Variants in FBXO7 observed in about 807,000 individuals in gnomAD.
The protein encoded by FBXO7 is F-box protein 7.
Under a neutral mutation model 50.2 loss-of-function variants are expected in FBXO7, and 31 were observed. That is an observed-to-expected ratio of 0.62 (90% CI 0.46 to 0.83). The LOEUF (loss-of-function observed/expected upper bound fraction) is 0.83. FBXO7 is among the 40% of genes least tolerant of loss of function. The probability of loss-of-function intolerance (pLI) is 0.00; values close to 1 mark genes in which losing one functional copy is unlikely to be tolerated. For synonymous variants in FBXO7, 256 were observed against 253.1 expected (o/e 1.01, Z -0.11); for missense variants, 667 against 646.6 (o/e 1.03, Z -0.34).
chr22:32,475,152 C>T (rs899746578), intron 1 of FBXO7, 28 bp downstream of exon 1: 2 of 1,516,568 alleles, frequency 1.3e-6, no homozygotes, highest in Admixed American at 2.0e-5. Context: ...CTGGGCGGCC[C>T]GCGGGGAGTG....
intron 5 of FBXO7, chr22:32,490,850 GA>G (rs2057530196): frequency 1.9e-5 from 9 of 481,376 alleles, no homozygotes; most frequent in Non-Finnish European, 3.4e-5. Context: ...CTATGAGCTA[GA>G]GAGGTTGGGC....
At chr22:32,495,457 GT>G (rs903164300) in intron 7 of FBXO7, 35 bp from the exon 8 acceptor site, 2 of 1,473,680 alleles carry the variant, frequency 1.4e-6, no homozygotes, top group African/African-American at 2.8e-5. Flanking sequence ...CGAATGAAAT[GT>G]TTTTAAATCC....
intron 4 of FBXO7, 165 bp from the exon 5 acceptor site, chr22:32,487,580 A>C: frequency 1.7e-6 from 1 of 590,644 alleles, no homozygotes. Context: ...CCAGGTTTAC[A>C]CTTTTGAACT....
At position 32,483,939 on chromosome 22, in the gene FBXO7, A is replaced by G. The variant is rs1166686097; in HGVS notation, c.460A>G (p.Asn154Asp). ...TTTTGAAGCTGAGTCAATTCAAGATAATGCGCATATGGCAGAGGGCACAGG... is the reference window on the plus strand; with the variant it reads ...TTTTGAAGCTGAGTCAATTCAAGATGATGCGCATATGGCAGAGGGCACAGG... ...QNFEAESIQD[N>D]AHMAEGTGFY... is the part of the protein sequence containing the mutation. The change falls in exon 3 of 9, where the codon AAT becomes GAT. Residue 154 changes from asparagine to aspartate, a missense_variant. By Grantham distance (23) the Asn-to-Asp change is conservative (BLOSUM62 1). Coordinates refer to ENST00000266087, the MANE Select transcript of FBXO7 (RefSeq NM_012179.4). The G allele has an allele frequency of 6.2e-7, 1 of 1,614,188 alleles. No homozygotes were observed. The highest frequency in any genetic ancestry group is 1.1e-5 in the South Asian group (1 of 91,092).
At chr22:32,484,275 C>G in intron 3 of FBXO7, 151 bp downstream of exon 3, 1 of 719,618 alleles carries the variant, frequency 1.4e-6, no homozygotes, top group Non-Finnish European at 2.5e-6. Flanking sequence ...GAGAAACATA[C>G]TCATATATAG....
Position 32,498,165 on chromosome 22 carries a change from C to T in FBXO7, c.1204C>T (p.Gln402Ter). ...WKELYRKRHI[Q>*]RKESPKGRFV... ...ACAGCTGTACAGGAAGAGGCACATA[C>T]AAAGAAAAGAATCCCCGAAAGGGCG... is the stretch of plus-strand genomic sequence containing the variant. The change falls in exon 9 of 9, where the codon CAA becomes TAA. Residue 402 changes from glutamine (Q) to a stop codon, truncating the protein, a stop_gained. Transcript: ENST00000266087. LOFTEE classifies it low-confidence loss of function (END_TRUNC). 1 of 1,614,154 alleles carries T rather than the reference C, an allele frequency of 6.2e-7. No homozygotes were observed. Among genetic ancestry groups the T allele is most frequent in the Non-Finnish European group, 8.5e-7 (1 of 1,180,018 alleles).
rs778534727 is a variant in FBXO7, at chr22:32,493,152, C to T, written c.1015C>T (p.Leu339=). 2 of 1,614,216 alleles carry T rather than the reference C, an allele frequency of 1.2e-6. No individual in the cohort carries two copies. The highest frequency in any genetic ancestry group is 8.5e-7 in the Non-Finnish European group (1 of 1,180,014). ...VFGLVVLPLE[L]KLRIFRLLDV... ...TGGGTTGGTCGTCCTCCCATTGGAA[C>T]TGAAACTACGGATCTTCCGACTTCT... Residue 339 remains leucine, a synonymous_variant, in exon 7 of 9, where the codon CTG becomes TTG. Transcript: ENST00000266087.
In FBXO7 at chr22:32,479,276, G is replaced by A. The variant is rs1333554432; in HGVS notation, c.417+1G>A. On this transcript the variant is annotated splice_donor_variant, in intron 2 of 8. Coordinates refer to ENST00000266087, the MANE Select transcript of FBXO7 (RefSeq NM_012179.4). LOFTEE classifies it high-confidence loss of function. ...TGGTGTTTGGAATGACGACAGTATG[G>A]TGGGTATTAAACACCAATATATCAA... 1 of 1,614,018 alleles carries A rather than the reference G, an allele frequency of 6.2e-7. No homozygotes were observed. The highest frequency in any genetic ancestry group is 8.5e-7 in the Non-Finnish European group (1 of 1,180,024).
intron 4 of FBXO7, among the ~76,000 whole-genome samples, chr22:32,485,696 C>T (rs1302902183): frequency 6.6e-6 from 1 of 152,190 alleles, no homozygotes; most frequent in Non-Finnish European, 1.5e-5. Context: ...GCTAAGTTTA[C>T]TGGGGCCTTA....
intron 6 of FBXO7, chr22:32,491,555 A>G (rs1043772964): frequency 7.7e-6 from 1 of 129,406 alleles, no homozygotes; most frequent in African/African-American, 3.7e-5. Context: ...ATATGTCTAT[A>G]TAGACATATA....
At chr22:32,480,409 C>G (rs1036013578) in intron 2 of FBXO7, among the ~76,000 whole-genome samples, 16 of 152,054 alleles carry the variant, frequency 1.1e-4, no homozygotes, top group African/African-American at 3.9e-4. Flanking sequence ...CAGAACAGAC[C>G]CATCATTTTC....
intron 1 of FBXO7, among the ~76,000 whole-genome samples, chr22:32,477,190 G>A (rs2057434534): frequency 6.6e-6 from 1 of 152,176 alleles, no homozygotes; most frequent in Non-Finnish European, 1.5e-5. Flanking sequence ...TTCTATTTCA[G>A]TAATTTTAAT....
Position 32,474,978 on chromosome 22 carries a change from G to T in FBXO7, c.-25G>T. ...TCCCCGTCGCCGCTTCCGGGTCCAG[G>T]CCCCTCGGGCCGCCTGCCGCCGTCA... On this transcript the variant is annotated 5_prime_UTR_variant, in exon 1 of 9. Transcript: ENST00000266087. 3.9e-6 allele frequency: 6 copies of T among 1,528,788 alleles called. No individual in the cohort carries two copies. Among genetic ancestry groups the T allele is most frequent in the Non-Finnish European group, 4.4e-6 (5 of 1,142,754 alleles). The allele number at this position is 1,528,788 out of a possible 1,614,324, so 94.7% of individuals were successfully genotyped here. A position where few individuals can be genotyped will look rare whatever the true frequency, so the allele number is the denominator to read the frequency against.
intron 5 of FBXO7, chr22:32,490,781 A>C (rs1025434076): frequency 2.8e-6 from 1 of 361,188 alleles, no homozygotes; most frequent in Non-Finnish European, 5.2e-6. Context: ...ACAGATTGAT[A>C]GCTATCAGGA....
intron 5 of FBXO7, 115 bp from the exon 6 acceptor site, chr22:32,490,971 T>C (rs2057530911): frequency 2.6e-6 from 2 of 760,948 alleles, no homozygotes; most frequent in South Asian, 3.1e-5. Context: ...TTCATGCTTA[T>C]CTTTGTGAAT....
At chr22:32,478,766 C>T (rs1475485807) in intron 1 of FBXO7, among the ~76,000 whole-genome samples, 1 of 151,962 alleles carries the variant, frequency 6.6e-6, no homozygotes, top group Non-Finnish European at 1.5e-5. Flanking sequence ...GACATGGTGG[C>T]TTATACCTGT....
intron 4 of FBXO7, 86 bp downstream of exon 4, chr22:32,485,295 G>C (rs2057491916): frequency 6.6e-7 from 1 of 1,525,674 alleles, no homozygotes; most frequent in Non-Finnish European, 9.1e-7. Context: ...TCAGTGATTG[G>C]CTATCATGAT....
At chr22:32,493,987 C>T (rs1312108453) in intron 7 of FBXO7, among the ~76,000 whole-genome samples, 1 of 149,650 alleles carries the variant, frequency 6.7e-6, no homozygotes, top group Non-Finnish European at 1.5e-5. Flanking sequence ...TAGGTGTATA[C>T]TGTGTTGCAA....
intron 6 of FBXO7, 195 bp downstream of exon 6, chr22:32,491,376 T>A (rs942923076): frequency 1.1e-5 from 6 of 537,854 alleles, no homozygotes; most frequent in Middle Eastern, 3.8e-4. Flanking sequence ...TGTACATATT[T>A]TTATTGTAGT....
Sources: allele counts gnomAD v4.1 joint callset (sites outside exome capture counted in the v4.1 genomes callset), GRCh38; gene constraint gnomAD v4.1.1; transcripts MANE v1.5; gene names NCBI Gene and HGNC (gene_info 2026-07-23, HGNC 2026-07-21).